Variants in SLC39A11 observed in about 807,000 individuals in gnomAD.
The protein encoded by SLC39A11 is zinc transporter ZIP11.
A neutral mutation model predicts 36.1 loss-of-function variants in SLC39A11; 33 were observed. That is an observed-to-expected ratio of 0.91 (90% CI 0.69 to 1.22). The LOEUF is 1.22. Among genes scored for constraint, SLC39A11 ranks in the 50% most tolerant of loss-of-function variants. The pLI, the probability that SLC39A11 is intolerant of heterozygous loss-of-function variation, is 0.00. For missense variants in SLC39A11, 432 were observed against 430.3 expected, an observed-to-expected ratio of 1.00 and a Z score of -0.03; for synonymous variants, 166 against 170.3, an observed-to-expected ratio of 0.97 and a Z score of 0.20.
At position 73,062,475 on chromosome 17, in the gene SLC39A11, A is replaced by AAAAAAAAAAAC. The variant is rs56021607; in HGVS notation, c.147+22332_147+22333insGTTTTTTTTTT. ...AGAGCTTGTCTCAAAAAAAAAAAAAAAAACTTTAGGTGATACACTTCTGCT... is the reference window on the plus strand; with the variant it reads ...AGAGCTTGTCTCAAAAAAAAAAAAAAAAAAAAAAAACAAACTTTAGGTGATACACTTCTGCT... On this transcript the variant is annotated intron_variant, in intron 3 of 9. Coordinates refer to ENST00000255559, the MANE Select transcript of SLC39A11 (RefSeq NM_139177.4). 4.7e-4 allele frequency among the ~76,000 whole-genome samples: 41 copies of AAAAAAAAAAAC among 87,004 alleles called. 1 individual carries two copies. The highest frequency in any genetic ancestry group is 1.3e-3 in the South Asian group (3 of 2,234). The allele number at this position is 87,004 out of a possible 152,430, so 57.1% of individuals were successfully genotyped here. A position where few individuals can be genotyped will look rare whatever the true frequency, so the allele number is the denominator to read the frequency against.
chr17:72,797,952 T>C (rs984832233), intron 6 of SLC39A11, among the ~76,000 whole-genome samples: 1 of 152,126 alleles, frequency 6.6e-6, no homozygotes, highest in African/African-American at 2.4e-5. Context: ...TATGTCTTGC[T>C]CTTGGTTTCT....
chr17:72,715,185 T>TACCC (rs772167548), intron 7 of SLC39A11, among the ~76,000 whole-genome samples: 15 of 152,182 alleles, frequency 9.9e-5, no homozygotes, highest in Non-Finnish European at 2.1e-4. Context: ...CTCCAGGAAG[T>TACCC]ACCCCTCTGC....
intron 7 of SLC39A11, among the ~76,000 whole-genome samples, chr17:72,717,772 C>T (rs1383945872): frequency 6.6e-6 from 1 of 152,208 alleles, no homozygotes; most frequent in Non-Finnish European, 1.5e-5. Context: ...ACTTCAGCAT[C>T]GCTCCTTATT....
At chr17:72,736,932 A>AT (rs1385105673) in intron 6 of SLC39A11, among the ~76,000 whole-genome samples, 1 of 152,130 alleles carries the variant, frequency 6.6e-6, no homozygotes, top group African/African-American at 2.4e-5. Flanking sequence ...TGATTTTTGT[A>AT]TTTTTTAAGT....
At chr17:72,738,028 G>A (rs906848424) in intron 6 of SLC39A11, among the ~76,000 whole-genome samples, 11 of 152,066 alleles carry the variant, frequency 7.2e-5, no homozygotes, top group African/African-American at 1.2e-4. Context: ...TATTGAGAAC[G>A]GAGTCTTGCT....
In SLC39A11 at chr17:72,900,148, GAAAGAAAA is replaced by G. The variant is rs1467261999; in HGVS notation, c.430+47596_430+47603del. Among the ~76,000 whole-genome samples, 267 of 96,628 alleles carry G rather than the reference GAAAGAAAA, an allele frequency of 2.8e-3. 29 individuals carry two copies. The highest frequency in any genetic ancestry group is 0.01 in the African/African-American group (236 of 22,872). 63.4% of individuals were successfully genotyped at this position (96,628 alleles called of 152,430 possible). A position where few individuals can be genotyped will look rare whatever the true frequency, so the allele number is the denominator to read the frequency against. On this transcript the variant is annotated intron_variant, in intron 5 of 9. Coordinates refer to ENST00000255559, the MANE Select transcript of SLC39A11 (RefSeq NM_139177.4). ...AAAGAAAGAAAGAAAGAAAAAGAAA[GAAAGAAAA>G]GAAAGAAAGAAAGAAAGAAAGAAAG...
In SLC39A11 at chr17:72,647,294, T is replaced by G; in HGVS notation, c.*290A>C. ...AGATAGAAGGTCCCGAAGTGGAGAT[T>G]TCCCTGATCTGAAGTTCCTTGATAA... On this transcript the variant is annotated 3_prime_UTR_variant, in exon 10 of 10. Coordinates refer to ENST00000255559, the MANE Select transcript of SLC39A11 (RefSeq NM_139177.4). 4.1e-6 allele frequency: 1 copy of G among 242,222 alleles called. No homozygotes were observed. Among genetic ancestry groups the G allele is most frequent in the Non-Finnish European group, 8.0e-6 (1 of 124,878 alleles). 15.0% of individuals were successfully genotyped at this position (242,222 alleles called of 1,614,324 possible).
At chr17:72,845,794 T>C (rs1156728739) in intron 6 of SLC39A11, among the ~76,000 whole-genome samples, 1 of 152,144 alleles carries the variant, frequency 6.6e-6, no homozygotes, top group Non-Finnish European at 1.5e-5. Context: ...CTCCATCCAG[T>C]CAAGCCAGCT....
rs370805274 is a variant in SLC39A11, at chr17:72,979,201, C to A, written c.307-31326G>T. On this transcript the variant is annotated intron_variant, in intron 4 of 9. Coordinates refer to ENST00000255559, the MANE Select transcript of SLC39A11 (RefSeq NM_139177.4). ...TTCGCTTGCCACTTCTCCTTCCTGC[C>A]GCCTTGTGAAGAAGCTACTTTTTCC... Among the ~76,000 whole-genome samples, 13 of 152,282 alleles carry A rather than the reference C, an allele frequency of 8.5e-5. No homozygotes were observed. The East Asian group carries it at 1.9e-3, about 23-fold the overall frequency.
chr17:72,651,018 C>G (rs1216730166), intron 7 of SLC39A11, among the ~76,000 whole-genome samples: 1 of 152,114 alleles, frequency 6.6e-6, no homozygotes, highest in Admixed American at 6.5e-5. Context: ...CTTTATCCCC[C>G]AACTCCTGCA....
At chr17:73,070,559 C>T (rs867445381) in intron 3 of SLC39A11, among the ~76,000 whole-genome samples, 6 of 152,166 alleles carry the variant, frequency 3.9e-5, no homozygotes, top group East Asian at 1.9e-4. Flanking sequence ...ACCATGATCC[C>T]GATTAGAACA....
At chr17:72,916,852 T>C (rs1044031769) in intron 5 of SLC39A11, among the ~76,000 whole-genome samples, 5 of 152,190 alleles carry the variant, frequency 3.3e-5, no homozygotes. Context: ...CAGACAGGGC[T>C]GAATCCCTCT....
chr17:72,766,928 C>A (rs149262058), intron 6 of SLC39A11, among the ~76,000 whole-genome samples: 4 of 152,236 alleles, frequency 2.6e-5, no homozygotes, highest in Non-Finnish European at 4.4e-5. Context: ...CCCAAGATAA[C>A]CTCCCCTCCA....
chr17:72,852,219 A>AAAAAAAAAAAAAAAAG (rs2079380520), intron 5 of SLC39A11, among the ~76,000 whole-genome samples: 1 of 148,804 alleles, frequency 6.7e-6, no homozygotes, highest in Non-Finnish European at 1.5e-5. Context: ...AAAAAAAAAA[A>AAAAAAAAAAAAAAAAG]AAAAAAAAAC....
chr17:72,661,715 G>A (rs889927309), intron 7 of SLC39A11, among the ~76,000 whole-genome samples: 1 of 152,170 alleles, frequency 6.6e-6, no homozygotes, highest in Admixed American at 6.5e-5. Flanking sequence ...AGAGGAGCTG[G>A]CTTAGCACGC....
At chr17:73,031,782 T>C in intron 3 of SLC39A11, 68 bp from the exon 4 acceptor site, 6 of 1,529,444 alleles carry the variant, frequency 3.9e-6, no homozygotes, top group Non-Finnish European at 5.4e-6. Context: ...AGGACCTCAG[T>C]TGCTCTCTGT....
At chr17:72,817,309 A>G (rs138899563) in intron 6 of SLC39A11, among the ~76,000 whole-genome samples, 162 of 136,344 alleles carry the variant, frequency 1.2e-3, no homozygotes, top group Non-Finnish European at 2.2e-3. Flanking sequence ...GAAGGAAGGA[A>G]GAAAAGAAGG....
At chr17:72,916,209 AC>A (rs1305383245) in intron 5 of SLC39A11, among the ~76,000 whole-genome samples, 3 of 152,232 alleles carry the variant, frequency 2.0e-5, no homozygotes, top group African/African-American at 7.2e-5. Flanking sequence ...ACACACAGGC[AC>A]GTTACACATG....
intron 7 of SLC39A11, among the ~76,000 whole-genome samples, chr17:72,660,236 C>G (rs2070348780): frequency 6.6e-6 from 1 of 152,178 alleles, no homozygotes; most frequent in South Asian, 2.1e-4. Flanking sequence ...CGGTTGAAAC[C>G]AGCTCAAGTC....
Sources: allele counts gnomAD v4.1 joint callset (sites outside exome capture counted in the v4.1 genomes callset), GRCh38; gene constraint gnomAD v4.1.1; transcripts MANE v1.5; gene names NCBI Gene and HGNC (gene_info 2026-07-23, HGNC 2026-07-21).